LYZL2: variants seen among roughly 807,000 people sequenced by gnomAD.
LYZL2 encodes lysozyme-like protein 2.
In LYZL2, 13 loss-of-function variants were observed where a neutral mutation model predicts 17.1. That is an observed-to-expected ratio of 0.76 (90% CI 0.49 to 1.21). LYZL2 has a LOEUF of 1.21. Ranked by LOEUF, LYZL2 falls within the 50% of genes most tolerant of loss-of-function variation. The probability of loss-of-function intolerance (pLI) is 0.00; values close to 1 mark genes in which losing one functional copy is unlikely to be tolerated. For synonymous variants in LYZL2, 63 were observed against 74.4 expected (o/e 0.85, Z 0.79); for missense variants, 166 against 189.2 (o/e 0.88, Z 0.72).
chr10:30,617,105 G>A (rs372255297), intron 3 of LYZL2, among the ~76,000 whole-genome samples: 1 of 152,122 alleles, frequency 6.6e-6, no homozygotes, highest in South Asian at 2.1e-4. Flanking sequence ...GTCTCTAGGG[G>A]TTGGAGAGAC....
chr10:30,611,558 GGAAGGAAGGAAGGAAAGAAAGAAA>G (rs903544715), downstream of LYZL2, among the ~76,000 whole-genome samples: 4 of 75,316 alleles, frequency 5.3e-5, no homozygotes, highest in East Asian at 1.3e-3. Flanking sequence ...AAGGAAGGAA[GGAAGGAAGGAAGGAAAGAAAGAAA>G]GAAAGAAAGA....
rs1838699455 is a variant in LYZL2 at position 30,626,163 on chromosome 10, G to A, written c.240C>T (p.Phe80=). 5.6e-6 allele frequency: 9 copies of A among 1,614,034 alleles called. No homozygotes were observed. Among genetic ancestry groups the A allele is most frequent in the South Asian group, 1.1e-5 (1 of 91,086 alleles). Residue 80 remains phenylalanine (F), a synonymous_variant, in exon 3 of 5, where the codon TTC becomes TTT. Transcript: ENST00000647634. Reference sequence around the variant, plus strand: ...TCAGCTTTCCGCGTCTGCACCACGCGAAGCTGTTGATCTGGAAGATGCCGT... The same window carrying A: ...TCAGCTTTCCGCGTCTGCACCACGCAAAGCTGTTGATCTGGAAGATGCCGT... The part of the protein sequence containing the change: ...IDYGIFQINS[F]AWCRRGKLKE...
Position 30,619,793 on chromosome 10 carries a change from G to A in LYZL2, c.298+6312C>T, listed in dbSNP as rs370149423. On this transcript the variant is annotated intron_variant, in intron 3 of 4. Coordinates refer to ENST00000647634, the MANE Select transcript of LYZL2 (RefSeq NM_183058.3). ...GTATACATATGTAACAAAGTTGCACGTTGTGTACATGTACCCTAAAACTTA... is the reference window on the plus strand; with the variant it reads ...GTATACATATGTAACAAAGTTGCACATTGTGTACATGTACCCTAAAACTTA... Among the ~76,000 whole-genome samples, 118 of 151,942 alleles carry A rather than the reference G, an allele frequency of 7.8e-4. 1 individual carries two copies. In the South Asian group the frequency reaches 0.011, roughly 14 times the overall value.
intron 3 of LYZL2, among the ~76,000 whole-genome samples, chr10:30,625,708 C>T (rs546503410): frequency 1.3e-5 from 2 of 152,150 alleles, no homozygotes; most frequent in South Asian, 2.1e-4. Context: ...GAGAAAGAAA[C>T]GTAAATTGTA....
At chr10:30,612,677 G>A (rs1838462692) in intron 4 of LYZL2, 145 bp downstream of exon 4, 10 of 634,156 alleles carry the variant, frequency 1.6e-5, no homozygotes, top group East Asian at 5.5e-5. Context: ...CCCACACACT[G>A]ATGGAGGAGA....
intron 3 of LYZL2, among the ~76,000 whole-genome samples, chr10:30,622,108 C>T (rs1449491666): frequency 6.6e-6 from 1 of 151,644 alleles, no homozygotes; most frequent in African/African-American, 2.4e-5. Context: ...CAACTAAAAA[C>T]AAAATAGAAG....
At chr10:30,608,144 T>C (rs1838396285), downstream of LYZL2, among the ~76,000 whole-genome samples, 1 of 152,240 alleles carries the variant, frequency 6.6e-6, no homozygotes, top group African/African-American at 2.4e-5. Context: ...GATCTTGCCC[T>C]GTTGCCCAGG....
At chr10:30,620,243 G>A (rs2132944315) in intron 3 of LYZL2, among the ~76,000 whole-genome samples, 1 of 152,300 alleles carries the variant, frequency 6.6e-6, no homozygotes, top group South Asian at 2.1e-4. Context: ...GAGATGTATG[G>A]ACAATCATGT....
At chr10:30,617,407 G>A (rs1031723885) in intron 3 of LYZL2, among the ~76,000 whole-genome samples, 9 of 152,028 alleles carry the variant, frequency 5.9e-5, no homozygotes, top group Non-Finnish European at 1.0e-4. Context: ...CGGGCGCGGC[G>A]GCTCACACCT....
chr10:30,607,530 C>T (rs745942516), downstream of LYZL2, among the ~76,000 whole-genome samples: 22 of 152,166 alleles, frequency 1.4e-4, no homozygotes, highest in Non-Finnish European at 2.5e-4. Flanking sequence ...GAGGTGCTTG[C>T]TGAATCTGTA....
chr10:30,624,095 T>C (rs1022114754), intron 3 of LYZL2, among the ~76,000 whole-genome samples: 5 of 152,244 alleles, frequency 3.3e-5, no homozygotes, highest in Non-Finnish European at 5.9e-5. Context: ...TGTTTTCCTA[T>C]AGTTTTGTGA....
At chr10:30,622,851 C>G (rs1209385651) in intron 3 of LYZL2, among the ~76,000 whole-genome samples, 2 of 152,316 alleles carry the variant, frequency 1.3e-5, no homozygotes, top group South Asian at 4.1e-4. Context: ...TACTGAAAAA[C>G]AGTAATTACC....
intron 1 of LYZL2, among the ~76,000 whole-genome samples, chr10:30,628,599 G>A (rs1405466398): frequency 3.3e-5 from 5 of 152,080 alleles, no homozygotes; most frequent in Non-Finnish European, 5.9e-5. Flanking sequence ...ACAACTACTC[G>A]GGATCCTGAA....
intron 3 of LYZL2, among the ~76,000 whole-genome samples, chr10:30,624,309 G>T (rs548070925): frequency 1.3e-5 from 2 of 152,172 alleles, no homozygotes; most frequent in Non-Finnish European, 2.9e-5. Flanking sequence ...ACTGAGGTTG[G>T]CATATACATA....
Position 30,611,856 on chromosome 10 carries a change from G to A in LYZL2, c.*99C>T, listed in dbSNP as rs1477136394. 1.3e-6 allele frequency: 2 copies of A among 1,589,344 alleles called. No individual in the cohort carries two copies. Among genetic ancestry groups the A allele is most frequent in the South Asian group, 1.2e-5 (1 of 86,268 alleles). ...AATTTTCCCTCTCCAAGTTTGAGAA[G>A]GAATATTGGGAGGAAACGGGACAAG... is the stretch of plus-strand genomic sequence containing the variant. On this transcript the variant is annotated 3_prime_UTR_variant, in exon 5 of 5. Transcript: ENST00000647634.
downstream of LYZL2, among the ~76,000 whole-genome samples, chr10:30,608,065 C>T (rs11008143): frequency 0.11 from 17,288 of 152,122 alleles, 1,072 homozygotes; most frequent in South Asian, 0.18. Context: ...ACTTCAGCCT[C>T]TCAAATAGCT....
At chr10:30,622,268 C>T (rs531914107) in intron 3 of LYZL2, among the ~76,000 whole-genome samples, 45 of 152,076 alleles carry the variant, frequency 3.0e-4, no homozygotes, top group African/African-American at 9.2e-4. Context: ...CCATATCAGC[C>T]GGGTGCAGTG....
rs371036001 is a variant in LYZL2, at chr10:30,626,236, C to T, written c.167G>A (p.Gly56Asp). 2.5e-6 allele frequency: 4 copies of T among 1,614,132 alleles called. No individual in the cohort carries two copies. The African/African-American group carries it at 4.0e-5, about 16-fold the overall frequency. The change falls in exon 3 of 5, where the codon GGC becomes GAC. Residue 56 changes from glycine (G) to aspartate (D), a missense_variant. This residue lies in a region of LYZL2 where 134 missense variants were observed against 129.4 expected (regional missense o/e 1.04). Transcript: ENST00000647634. ...GACCGTCTGGGCTGTGGTGTTGTAGCCGCTCTCATAATACGCCATGCAGAT... is the reference window on the plus strand; with the variant it reads ...GACCGTCTGGGCTGTGGTGTTGTAGTCGCTCTCATAATACGCCATGCAGAT... ...NWICMAYYES[G>D]YNTTAQTVLD...
rs1838706552 is a variant in LYZL2 at position 30,626,365 on chromosome 10, C to T, written c.140-102G>A. ...CCTCATCCCTGTTACCTGACTGCTT[C>T]CTCCCAATACACCTTGGGCAGGGCA... On this transcript the variant is annotated intron_variant, in intron 2 of 4. Coordinates refer to ENST00000647634, the MANE Select transcript of LYZL2 (RefSeq NM_183058.3). 3.3e-6 allele frequency: 5 copies of T among 1,534,546 alleles called. No individual in the cohort carries two copies. The African/African-American group carries it at 5.5e-5, about 17-fold the overall frequency.
Sources: gnomAD v4.1 joint callset for allele counts (sites outside exome capture counted in the v4.1 genomes callset) on GRCh38, gnomAD v4.1.1 for gene constraint, gnomAD v4.1.1 regional missense constraint, MANE v1.5 for transcripts, NCBI Gene and HGNC (gene_info 2026-07-23, HGNC 2026-07-21) for gene names.